Variants in DIP2C observed in about 807,000 individuals in gnomAD.
DIP2C encodes the protein disco-interacting protein 2 homolog C.
DIP2C carries 33 observed loss-of-function variants against 192.4 expected under a neutral mutation model. The observed-to-expected ratio is 0.17, with a 90% confidence interval of 0.13 to 0.23. DIP2C has a LOEUF of 0.23. Among genes scored for constraint, DIP2C ranks in the 10% least tolerant of loss-of-function variants. DIP2C has a pLI of 1.00. For missense variants in DIP2C, 1,537 were observed against 2,110.1 expected, an observed-to-expected ratio of 0.73 and a Z score of 5.32; for synonymous variants, 979 against 864.1, an observed-to-expected ratio of 1.13 and a Z score of -2.33.
chr10:413,666 G>A (rs928363771), intron 8 of DIP2C, among the ~76,000 whole-genome samples: 1 of 152,204 alleles, frequency 6.6e-6, no homozygotes, highest in Non-Finnish European at 1.5e-5. Context: ...TTGTGTGTTT[G>A]GGAGTGGCTG....
intron 14 of DIP2C, among the ~76,000 whole-genome samples, chr10:385,294 G>A (rs994484714): frequency 7.9e-5 from 12 of 152,172 alleles, no homozygotes; most frequent in Admixed American, 4.6e-4. Context: ...GACACGGTAG[G>A]GTCTGGGTGT....
chr10:616,313 CTT>C (rs1406702454), intron 1 of DIP2C, among the ~76,000 whole-genome samples: 2 of 152,326 alleles, frequency 1.3e-5, no homozygotes, highest in East Asian at 1.9e-4. Context: ...TGAATGAAAA[CTT>C]TAATCTGTGT....
intron 1 of DIP2C, among the ~76,000 whole-genome samples, chr10:627,970 G>A (rs77698368): frequency 6.6e-6 from 1 of 152,156 alleles, no homozygotes; most frequent in Non-Finnish European, 1.5e-5. Flanking sequence ...TGTTTTACCG[G>A]GGTACTAAAA....
chr10:613,916 CTCT>C (rs1464562689), intron 1 of DIP2C, among the ~76,000 whole-genome samples: 1 of 152,100 alleles, frequency 6.6e-6, no homozygotes, highest in Non-Finnish European at 1.5e-5. Flanking sequence ...AACACCTGAC[CTCT>C]TGTCACCCTC....
intron 31 of DIP2C, among the ~76,000 whole-genome samples, chr10:314,806 G>C (rs1316970409): frequency 6.6e-6 from 1 of 152,132 alleles, no homozygotes; most frequent in Non-Finnish European, 1.5e-5. Context: ...CATTCGTGAG[G>C]GCTCCACCCT....
intron 1 of DIP2C, among the ~76,000 whole-genome samples, chr10:648,170 C>CG (rs1855594614): frequency 1.0e-5 from 1 of 97,788 alleles, no homozygotes; most frequent in Non-Finnish European, 2.1e-5. Context: ...GGACAGTGGG[C>CG]AAGAACAGAG....
chr10:457,813 C>T (rs1011830193), intron 3 of DIP2C, among the ~76,000 whole-genome samples: 1 of 152,314 alleles, frequency 6.6e-6, no homozygotes, highest in Middle Eastern at 3.4e-3. Flanking sequence ...CCTCGGCCTC[C>T]CAAAGTGCTG....
rs1039838800 is a variant in DIP2C, at chr10:624,849, G to A, written c.85+64645C>T. On this transcript the variant is annotated intron_variant, in intron 1 of 36. Coordinates refer to ENST00000280886, the MANE Select transcript of DIP2C (RefSeq NM_014974.3). ...GAAAACTACGGAAGCTGTGAAGACG[G>A]AGGTGTGCATGTGGCCGGGAGAACC... Among the ~76,000 whole-genome samples the A allele has an allele frequency of 2.0e-5, 3 of 152,148 alleles. No individual in the cohort carries two copies. The South Asian group carries it at 6.2e-4, about 32-fold the overall frequency.
chr10:347,427 C>T (rs1365456107), intron 26 of DIP2C, among the ~76,000 whole-genome samples: 4 of 146,692 alleles, frequency 2.7e-5, no homozygotes, highest in South Asian at 4.5e-4. Flanking sequence ...ATAGTTCTCC[C>T]GGAAACGTCA....
intron 1 of DIP2C, among the ~76,000 whole-genome samples, chr10:620,919 C>T (rs757949044): frequency 2.0e-5 from 3 of 152,210 alleles, no homozygotes; most frequent in African/African-American, 7.2e-5. Flanking sequence ...GAGTATCTAA[C>T]GGCTTAACCA....
chr10:320,963 G>A (rs1476416596), intron 31 of DIP2C, among the ~76,000 whole-genome samples: 1 of 152,202 alleles, frequency 6.6e-6, no homozygotes, highest in Non-Finnish European at 1.5e-5. Flanking sequence ...GGGCGGAGCA[G>A]GATGAGGGCA....
At chr10:489,717 C>T (rs1397281365) in intron 1 of DIP2C, among the ~76,000 whole-genome samples, 91 of 101,176 alleles carry the variant, frequency 9.0e-4, no homozygotes, top group African/African-American at 2.3e-3. Context: ...TGACGGTGCC[C>T]GGGGCTTCCT....
chr10:606,271 G>A (rs1403777211), intron 1 of DIP2C, among the ~76,000 whole-genome samples: 1 of 152,110 alleles, frequency 6.6e-6, no homozygotes, highest in Non-Finnish European at 1.5e-5. Flanking sequence ...GCCCCAGCAC[G>A]CTCTGTCCGA....
chr10:576,416 G>A (rs1001816673), intron 1 of DIP2C, among the ~76,000 whole-genome samples: 3 of 152,232 alleles, frequency 2.0e-5, no homozygotes, highest in African/African-American at 7.2e-5. Context: ...CCATGGGACA[G>A]CAGTAACTGC....
intron 1 of DIP2C, among the ~76,000 whole-genome samples, chr10:640,596 C>G (rs900688723): frequency 4.0e-5 from 6 of 151,770 alleles, no homozygotes; most frequent in African/African-American, 1.5e-4. Context: ...AGGGTGCGTG[C>G]CGGGACGAGG....
intron 1 of DIP2C, among the ~76,000 whole-genome samples, chr10:572,697 A>G (rs1023975817): frequency 3.9e-5 from 6 of 152,328 alleles, no homozygotes; most frequent in Non-Finnish European, 7.3e-5. Context: ...TAGACAAAAA[A>G]AAGTTTTTTA....
rs1032229276 is a variant in DIP2C at position 539,073 on chromosome 10, G to A, written c.86-52543C>T. Among the ~76,000 whole-genome samples the A allele has an allele frequency of 5.9e-5, 9 of 151,950 alleles. No individual in the cohort carries two copies. The South Asian group carries it at 8.3e-4, about 14-fold the overall frequency. ...CTCAGTTGTCTGTTCACGTCATTCC[G>A]TGCGTTTTGTGAATCTGCTATATGA... On this transcript the variant is annotated intron_variant, in intron 1 of 36. Coordinates refer to ENST00000280886, the MANE Select transcript of DIP2C (RefSeq NM_014974.3).
At chr10:506,419 G>GT (rs1414959718) in intron 1 of DIP2C, among the ~76,000 whole-genome samples, 1 of 152,160 alleles carries the variant, frequency 6.6e-6, no homozygotes, top group African/African-American at 2.4e-5. Context: ...AAATCTCAGT[G>GT]TGTGTAGCCC....
intron 7 of DIP2C, among the ~76,000 whole-genome samples, chr10:414,757 A>ATATATATAT (rs60489200): frequency 5.6e-4 from 39 of 69,590 alleles, no homozygotes; most frequent in Admixed American, 1.2e-3. Context: ...ATATATATAT[A>ATATATATAT]ATGTGTATAT....
Sources: allele counts gnomAD v4.1 joint callset (sites outside exome capture counted in the v4.1 genomes callset), GRCh38; gene constraint gnomAD v4.1.1; transcripts MANE v1.5; gene names NCBI Gene and HGNC (gene_info 2026-07-23, HGNC 2026-07-21).